The following KSR2 variants were observed in gnomAD, a reference collection of about 807,000 sequenced individuals.
KSR2 encodes kinase suppressor of ras 2.
KSR2 carries 25 observed loss-of-function variants against 107.8 expected under a neutral mutation model. The observed-to-expected ratio is 0.23, with a 90% CI of 0.17 to 0.32. The LOEUF (loss-of-function observed/expected upper bound fraction) is 0.32. Ranked by LOEUF, KSR2 falls within the 10% of genes least tolerant of loss-of-function variation. The probability of loss-of-function intolerance (pLI) is 1.00; values close to 1 mark genes in which losing one functional copy is unlikely to be tolerated. For synonymous variants in KSR2, 480 were observed against 507.0 expected, an observed-to-expected ratio of 0.95 and a Z score of 0.71; for missense variants, 887 against 1,268.9, an observed-to-expected ratio of 0.70 and a Z score of 4.57.
At chr12:117,756,495 A>G (rs1888795889) in intron 4 of KSR2, among the ~76,000 whole-genome samples, 1 of 152,212 alleles carries the variant, frequency 6.6e-6, no homozygotes, top group African/African-American at 2.4e-5. Context: ...TTTTAAGCCC[A>G]CTGTTGAGAC....
At chr12:117,581,243 G>T (rs1879644944) in intron 6 of KSR2, among the ~76,000 whole-genome samples, 1 of 152,074 alleles carries the variant, frequency 6.6e-6, no homozygotes, top group Non-Finnish European at 1.5e-5. Flanking sequence ...TGATGCATCT[G>T]CCCCTGATAT....
rs552136733 is a variant in KSR2, at chr12:117,516,531, A to G, written c.2219+8321T>C. 1.6e-4 allele frequency among the ~76,000 whole-genome samples: 25 copies of G among 152,270 alleles called. No individual in the cohort carries two copies. In the South Asian group the frequency reaches 5.2e-3, roughly 32 times the overall value. ...TGCTACCATTATTATTATTGTTGTT[A>G]TTATATCATTATTATTATAGCATCA... is the stretch of plus-strand genomic sequence containing the variant. On this transcript the variant is annotated intron_variant, in intron 14 of 19. Coordinates refer to ENST00000339824, the MANE Select transcript of KSR2 (RefSeq NM_173598.6).
intron 14 of KSR2, 138 bp downstream of exon 14, chr12:117,524,714 C>A (rs900539530): frequency 1.9e-6 from 2 of 1,075,476 alleles, no homozygotes; most frequent in South Asian, 1.8e-5. Flanking sequence ...AAATCTTAAA[C>A]CATGTAAGTA....
chr12:117,917,723 C>T (rs1452475929), intron 1 of KSR2, among the ~76,000 whole-genome samples: 1 of 152,028 alleles, frequency 6.6e-6, no homozygotes, highest in Non-Finnish European at 1.5e-5. Flanking sequence ...ATATATTTAC[C>T]TGTGGATATA....
At chr12:117,780,190 T>C (rs546304262) in intron 3 of KSR2, among the ~76,000 whole-genome samples, 5 of 152,294 alleles carry the variant, frequency 3.3e-5, no homozygotes, top group South Asian at 2.1e-4. Context: ...CAATGAGCAA[T>C]TGGCAATTCT....
chr12:117,803,769 G>C (rs764241877), intron 3 of KSR2, among the ~76,000 whole-genome samples: 2 of 152,148 alleles, frequency 1.3e-5, no homozygotes, highest in African/African-American at 2.4e-5. Flanking sequence ...CTACGATTCT[G>C]TCTTTCCGGC....
intron 5 of KSR2, among the ~76,000 whole-genome samples, chr12:117,638,432 CCA>C (rs1565938747): frequency 6.6e-6 from 1 of 152,020 alleles, no homozygotes; most frequent in African/African-American, 2.4e-5. Flanking sequence ...CTGTGGGGTG[CCA>C]CACAGTGCAA....
At chr12:117,693,497 C>A (rs1885918999) in intron 4 of KSR2, among the ~76,000 whole-genome samples, 1 of 152,170 alleles carries the variant, frequency 6.6e-6, no homozygotes, top group Non-Finnish European at 1.5e-5. Flanking sequence ...GCTCAGGTCA[C>A]TGAAGATGGG....
intron 9 of KSR2, among the ~76,000 whole-genome samples, chr12:117,551,222 C>T (rs1315514027): frequency 1.3e-5 from 2 of 152,036 alleles, no homozygotes; most frequent in African/African-American, 2.4e-5. Flanking sequence ...CTCATCCACC[C>T]CACTCTGTCT....
chr12:117,624,524 T>G (rs558709420), intron 5 of KSR2, among the ~76,000 whole-genome samples: 6 of 152,198 alleles, frequency 3.9e-5, no homozygotes, highest in Non-Finnish European at 8.8e-5. Flanking sequence ...AAAGATTAGA[T>G]GGTTATAGAT....
intron 7 of KSR2, among the ~76,000 whole-genome samples, chr12:117,559,640 A>G (rs1877971225): frequency 6.6e-6 from 1 of 152,188 alleles, no homozygotes; most frequent in South Asian, 2.1e-4. Context: ...GGTGCCAGGT[A>G]TTAAGTTTTA....
At chr12:117,497,287 A>G (rs976322752) in intron 14 of KSR2, among the ~76,000 whole-genome samples, 6 of 152,192 alleles carry the variant, frequency 3.9e-5, no homozygotes, top group Admixed American at 3.9e-4. Context: ...TGCAAATAAA[A>G]TAATTGCAAG....
intron 9 of KSR2, among the ~76,000 whole-genome samples, chr12:117,552,362 C>A (rs1877370005): frequency 6.6e-6 from 1 of 152,222 alleles, no homozygotes; most frequent in African/African-American, 2.4e-5. Flanking sequence ...ACGCTTCCCA[C>A]TAAGAGTTGA....
chr12:117,894,374 ATAT>A (rs1663459832), intron 1 of KSR2, among the ~76,000 whole-genome samples: 1 of 152,154 alleles, frequency 6.6e-6, no homozygotes, highest in African/African-American at 2.4e-5. Context: ...GTGCATTAAA[ATAT>A]TATATGGCTG....
At chr12:117,777,107 T>TATATATATATAC (rs58787858) in intron 3 of KSR2, among the ~76,000 whole-genome samples, 123 of 66,146 alleles carry the variant, frequency 1.9e-3, no homozygotes, top group African/African-American at 6.9e-3. Context: ...TATATATATA[T>TATATATATATAC]ACACACACAC....
intron 18 of KSR2, among the ~76,000 whole-genome samples, chr12:117,470,497 C>T (rs1871383726): frequency 6.6e-6 from 1 of 152,182 alleles, no homozygotes; most frequent in Non-Finnish European, 1.5e-5. Context: ...GTCTAGAATA[C>T]ACTGAGGTCA....
chr12:117,633,133 AAG>A (rs1882888394), intron 5 of KSR2, among the ~76,000 whole-genome samples: 1 of 152,220 alleles, frequency 6.6e-6, no homozygotes, highest in East Asian at 1.9e-4. Flanking sequence ...GATTTATCAA[AAG>A]ACATTTTTCA....
intron 1 of KSR2, among the ~76,000 whole-genome samples, chr12:117,910,859 A>G (rs1894989147): frequency 6.6e-6 from 1 of 152,178 alleles, no homozygotes; most frequent in African/African-American, 2.4e-5. Flanking sequence ...TTCTTTTGTC[A>G]TGAGCCAAGG....
chr12:117,611,512 G>A (rs1199801404), intron 5 of KSR2, among the ~76,000 whole-genome samples: 1 of 141,090 alleles, frequency 7.1e-6, no homozygotes, highest in African/African-American at 2.5e-5. Flanking sequence ...GTGACGAGTG[G>A]ATGGGACGTA....
Sources: allele counts gnomAD v4.1 joint callset (sites outside exome capture counted in the v4.1 genomes callset), GRCh38; gene constraint gnomAD v4.1.1; transcripts MANE v1.5; gene names NCBI Gene and HGNC (gene_info 2026-07-23, HGNC 2026-07-21).